Variants in ROR2 observed in about 807,000 individuals in gnomAD.
ROR2 encodes the protein tyrosine-protein kinase transmembrane receptor ROR2.
ROR2 carries 33 observed loss-of-function variants against 74.9 expected under a neutral mutation model. The observed-to-expected ratio is 0.44, with a 90% CI of 0.33 to 0.59. ROR2 has a LOEUF of 0.59. Ranked by LOEUF, ROR2 falls within the 20% of genes least tolerant of loss-of-function variation. ROR2 has a pLI of 0.02. For synonymous variants in ROR2, 586 were observed against 558.7 expected (o/e 1.05, Z -0.69); for missense variants, 1,216 against 1,313.8 (o/e 0.93, Z 1.15).
At chr9:91,859,197 CTTTTTTTTTT>C (rs541283275) in intron 1 of ROR2, among the ~76,000 whole-genome samples, 3 of 121,324 alleles carry the variant, frequency 2.5e-5, no homozygotes, top group African/African-American at 7.2e-5. Flanking sequence ...GAAAGTATTC[CTTTTTTTTTT>C]TTTTTTTTTT....
intron 1 of ROR2, among the ~76,000 whole-genome samples, chr9:91,946,585 G>A (rs1311743974): frequency 6.6e-6 from 1 of 152,230 alleles, no homozygotes; most frequent in Non-Finnish European, 1.5e-5. Context: ...CCCTGGGAAG[G>A]AGTAACAGTT....
chr9:91,746,857 G>GGT (rs57891940), intron 4 of ROR2, among the ~76,000 whole-genome samples: 11,163 of 149,944 alleles, frequency 0.074, 400 homozygotes, highest in Non-Finnish European at 0.087. Flanking sequence ...TCCTTGAGCA[G>GGT]GTGTGTGTGT....
intron 1 of ROR2, among the ~76,000 whole-genome samples, chr9:91,899,159 G>A (rs569161448): frequency 8.9e-4 from 135 of 152,342 alleles, no homozygotes; most frequent in Non-Finnish European, 1.6e-3. Context: ...CACATGGACC[G>A]GAAAGGGCCC....
intron 1 of ROR2, among the ~76,000 whole-genome samples, chr9:91,925,163 T>A (rs182937444): frequency 6.6e-6 from 1 of 152,224 alleles, no homozygotes; most frequent in East Asian, 1.9e-4. Flanking sequence ...ATGTTTGCAT[T>A]TTTAACAAGC....
chr9:91,865,966 G>C (rs1481641848), intron 1 of ROR2, among the ~76,000 whole-genome samples: 1 of 152,150 alleles, frequency 6.6e-6, no homozygotes, highest in Non-Finnish European at 1.5e-5. Flanking sequence ...GACACTTTCT[G>C]AATTACCTAA....
intron 1 of ROR2, among the ~76,000 whole-genome samples, chr9:91,818,564 A>T (rs1427645542): frequency 6.6e-6 from 1 of 151,870 alleles, no homozygotes; most frequent in Non-Finnish European, 1.5e-5. Flanking sequence ...GCAATGACTG[A>T]ACCATTCCTA....
At chr9:91,801,425 C>T (rs963581292) in intron 1 of ROR2, among the ~76,000 whole-genome samples, 3 of 152,178 alleles carry the variant, frequency 2.0e-5, no homozygotes, top group African/African-American at 4.8e-5. Context: ...CTCCACCTCA[C>T]GGGTTCAAGC....
At chr9:91,855,872 G>T (rs899080740) in intron 1 of ROR2, among the ~76,000 whole-genome samples, 1 of 151,912 alleles carries the variant, frequency 6.6e-6, no homozygotes, top group African/African-American at 2.4e-5. Flanking sequence ...TACACCTGCC[G>T]GCCGGGTGAG....
chr9:91,895,469 A>C (rs1296494419), intron 1 of ROR2, among the ~76,000 whole-genome samples: 1 of 152,152 alleles, frequency 6.6e-6, no homozygotes, highest in Non-Finnish European at 1.5e-5. Flanking sequence ...CTGGTAGGGG[A>C]TGTTGGGCAG....
In ROR2 at chr9:91,723,651, C is replaced by A. The variant is rs372530728; in HGVS notation, c.*11G>T. 4.3e-6 allele frequency: 7 copies of A among 1,612,870 alleles called. No homozygotes were observed. Among genetic ancestry groups the A allele is most frequent in the Non-Finnish European group, 5.1e-6 (6 of 1,179,734 alleles). ...GGGCTTCTATCCCCGAACCCCGGGC[C>A]CTGGTGCCACTCAAGCTTCCAGCTG... On this transcript the variant is annotated 3_prime_UTR_variant, in exon 9 of 9. Transcript: ENST00000375708.
At chr9:91,863,590 T>G (rs1216211419) in intron 1 of ROR2, among the ~76,000 whole-genome samples, 1 of 152,110 alleles carries the variant, frequency 6.6e-6, no homozygotes, top group Non-Finnish European at 1.5e-5. Context: ...ATTTAGCCAT[T>G]AAAACAGGCT....
intron 6 of ROR2, among the ~76,000 whole-genome samples, 199 bp from the exon 7 acceptor site, chr9:91,731,354 G>A (rs375479249): frequency 2.0e-5 from 3 of 152,168 alleles, no homozygotes; most frequent in South Asian, 4.1e-4. Context: ...CATGGGGAAG[G>A]AAACTTGTCT....
chr9:91,756,419 CG>C (rs1564254334), intron 3 of ROR2, among the ~76,000 whole-genome samples: 1 of 152,174 alleles, frequency 6.6e-6, no homozygotes, highest in African/African-American at 2.4e-5. Flanking sequence ...GTGGCAGGGC[CG>C]GGGCGTTTGC....
intron 1 of ROR2, among the ~76,000 whole-genome samples, chr9:91,909,835 TAGGTTTGTTTTG>T (rs369643070): frequency 4.5e-5 from 5 of 110,376 alleles, no homozygotes; most frequent in African/African-American, 1.9e-4. Context: ...TTTTTTTTTT[TAGGTTTGTTTTG>T]TTTTTTTTTT....
Position 91,724,644 on chromosome 9 carries a change from G to A in ROR2, c.1850C>T (p.Ala617Val). 1 of 1,614,202 alleles carries A rather than the reference G, an allele frequency of 6.2e-7. No homozygotes were observed. The highest frequency in any genetic ancestry group is 8.5e-7 in the Non-Finnish European group (1 of 1,180,038). Residue 617 changes from alanine (A) to valine (V), a missense_variant, in exon 9 of 9, where the codon GCC becomes GTC. By Grantham distance (64) the Ala-to-Val change is moderately conservative. Transcript: ENST00000375708. ...GTCGTACACTAGCACATTGCGGGTG[G>A]CCAGGTCCTTGTGAACCACGTGGTG... ...SSHHVVHKDL[A>V]TRNVLVYDKL...
At chr9:91,839,251 GGTGTGTGT>G (rs56134220) in intron 1 of ROR2, among the ~76,000 whole-genome samples, 93 of 107,796 alleles carry the variant, frequency 8.6e-4, no homozygotes, top group East Asian at 2.3e-3. Context: ...TCAGATCGGG[GGTGTGTGT>G]GTGTGTGTGT....
chr9:91,842,031 C>T (rs1828796531), intron 1 of ROR2, among the ~76,000 whole-genome samples: 1 of 152,198 alleles, frequency 6.6e-6, no homozygotes, highest in East Asian at 1.9e-4. Flanking sequence ...ACCCACCAGC[C>T]TCACCAGGCC....
chr9:91,756,040 A>C (rs773619877), intron 4 of ROR2, 31 bp downstream of exon 4: 2 of 1,610,710 alleles, frequency 1.2e-6, no homozygotes, highest in Non-Finnish European at 1.7e-6. Context: ...TCAGAGCAGC[A>C]GAACACGGCT....
intron 1 of ROR2, among the ~76,000 whole-genome samples, chr9:91,798,901 T>C (rs1261519863): frequency 1.3e-5 from 2 of 152,030 alleles, no homozygotes; most frequent in African/African-American, 4.8e-5. Context: ...GCGGGAGAGA[T>C]ACACCACGCA....
Sources: gnomAD v4.1 joint callset for allele counts (sites outside exome capture counted in the v4.1 genomes callset) on GRCh38, gnomAD v4.1.1 for gene constraint, MANE v1.5 for transcripts, NCBI Gene and HGNC (gene_info 2026-07-23, HGNC 2026-07-21) for gene names.